Variants in RPTOR observed in about 807,000 individuals in gnomAD.
RPTOR encodes regulatory associated protein of MTOR complex 1, also known as regulatory-associated protein of mTOR.
In RPTOR, 21 loss-of-function variants were observed where a neutral mutation model predicts 169.9. The ratio of observed to expected loss-of-function variants is 0.12; its 90% CI spans 0.09 to 0.18. The LOEUF (loss-of-function observed/expected upper bound fraction) is 0.18. RPTOR is among the 10% of genes least tolerant of loss of function. The probability of loss-of-function intolerance (pLI) is 1.00; values close to 1 mark genes in which losing one functional copy is unlikely to be tolerated. For synonymous variants in RPTOR, 732 were observed against 753.2 expected (o/e 0.97, Z 0.46); for missense variants, 1,133 against 1,855.9 (o/e 0.61, Z 7.16).
At chr17:80,961,548 C>T (rs768110868) in intron 31 of RPTOR, 68 bp downstream of exon 31, 103 of 1,474,842 alleles carry the variant, frequency 7.0e-5, no homozygotes, top group Non-Finnish European at 9.1e-5. Flanking sequence ...ATTTAAAATA[C>T]GTCCTTGGTA....
chr17:80,685,811 C>G (rs2143724773), intron 3 of RPTOR, among the ~76,000 whole-genome samples: 1 of 151,160 alleles, frequency 6.6e-6, no homozygotes, highest in Non-Finnish European at 1.5e-5. Context: ...TGAACTCCCT[C>G]TAGTCGTAAG....
chr17:80,671,329 A>T (rs1014062614), intron 3 of RPTOR, among the ~76,000 whole-genome samples: 13 of 152,120 alleles, frequency 8.5e-5, no homozygotes, highest in African/African-American at 2.9e-4. Context: ...AGAGAGAGAG[A>T]GTGTGTTCCT....
At chr17:80,735,477 G>A (rs2066426776) in intron 5 of RPTOR, among the ~76,000 whole-genome samples, 1 of 152,226 alleles carries the variant, frequency 6.6e-6, no homozygotes, top group Non-Finnish European at 1.5e-5. Flanking sequence ...TCCTTAGCCT[G>A]TAAACTAGAA....
Position 80,826,901 on chromosome 17 carries a change from G to A in RPTOR, c.1136+3678G>A, listed in dbSNP as rs553228898. ...TCAACCGGCAGAAGAAACATTATGC[G>A]CTTGAATTTTTTTCCTTTTTCTTTT... On this transcript the variant is annotated intron_variant, in intron 9 of 33. Coordinates refer to ENST00000306801, the MANE Select transcript of RPTOR (RefSeq NM_020761.3). 4.6e-5 allele frequency among the ~76,000 whole-genome samples: 7 copies of A among 152,370 alleles called. No homozygotes were observed. In the East Asian group the frequency reaches 5.8e-4, roughly 13 times the overall value.
At chr17:80,555,739 A>T (rs1196669704) in intron 1 of RPTOR, among the ~76,000 whole-genome samples, 1 of 152,236 alleles carries the variant, frequency 6.6e-6, no homozygotes, top group Non-Finnish European at 1.5e-5. Flanking sequence ...ATCCACATTG[A>T]CCAGCATTAA....
intron 21 of RPTOR, among the ~76,000 whole-genome samples, chr17:80,916,856 T>C (rs1222377522): frequency 6.6e-6 from 1 of 152,094 alleles, no homozygotes; most frequent in East Asian, 1.9e-4. Flanking sequence ...GGTGTGGTGA[T>C]GCACTCTTGT....
Position 80,893,850 on chromosome 17 carries a change from C to T in RPTOR, c.2386C>T (p.Leu796Phe). The T allele has an allele frequency of 1.3e-6, 2 of 1,521,342 alleles. No individual in the cohort carries two copies. The highest frequency in any genetic ancestry group is 1.8e-6 in the Non-Finnish European group (2 of 1,132,872). 94.2% of individuals were successfully genotyped at this position (1,521,342 alleles called of 1,614,324 possible). A position where few individuals can be genotyped will look rare whatever the true frequency, so the allele number is the denominator to read the frequency against. Residue 796 changes from leucine (L) to phenylalanine (F), a missense_variant, in exon 20 of 34, where the codon CTC (leucine) becomes TTC (phenylalanine). By Grantham distance (22) the Leu-to-Phe change is conservative. Coordinates refer to ENST00000306801, the MANE Select transcript of RPTOR (RefSeq NM_020761.3). ...GCGCCGCGCCAGCTCCTACTCCTCC[C>T]TCAACTCCCTCATCGGTGAGTCCGC... ...KMRRASSYSS[L>F]NSLIGVSFNS...
chr17:80,602,218 C>T (rs1468248005), intron 1 of RPTOR, among the ~76,000 whole-genome samples: 1 of 66,674 alleles, frequency 1.5e-5, no homozygotes, highest in East Asian at 3.3e-4. Context: ...ACCTCCCTCC[C>T]GGACGGGGCG....
chr17:80,668,812 G>A (rs1394512970), intron 3 of RPTOR, among the ~76,000 whole-genome samples: 2 of 152,234 alleles, frequency 1.3e-5, no homozygotes, highest in East Asian at 1.9e-4. Context: ...TCAGGACAGC[G>A]GCTTGTCCGC....
At chr17:80,573,975 G>A (rs2064934145) in intron 1 of RPTOR, among the ~76,000 whole-genome samples, 1 of 152,296 alleles carries the variant, frequency 6.6e-6, no homozygotes, top group Non-Finnish European at 1.5e-5. Flanking sequence ...TGGGTCGGGG[G>A]AAGTTTTGGG....
intron 6 of RPTOR, among the ~76,000 whole-genome samples, chr17:80,766,272 C>T (rs1415481612): frequency 1.3e-5 from 2 of 152,160 alleles, no homozygotes; most frequent in African/African-American, 2.4e-5. Flanking sequence ...AGGCTGGTCT[C>T]GAACTCCTAA....
intron 24 of RPTOR, among the ~76,000 whole-genome samples, chr17:80,935,252 C>G (rs1185928470): frequency 6.6e-6 from 1 of 152,114 alleles, no homozygotes; most frequent in African/African-American, 2.4e-5. Context: ...GTTTAGAAGA[C>G]TCAATAATAT....
Position 80,773,683 on chromosome 17 carries a change from T to C in RPTOR, c.831-17767T>C, listed in dbSNP as rs990840645. 15 of 549,662 alleles carry C rather than the reference T, an allele frequency of 2.7e-5. No individual in the cohort carries two copies. The African/African-American group carries it at 2.9e-4, about 11-fold the overall frequency. The allele number at this position is 549,662 out of a possible 1,614,324, so 34.0% of individuals were successfully genotyped here. On this transcript the variant is annotated intron_variant, in intron 6 of 33. Coordinates refer to ENST00000306801, the MANE Select transcript of RPTOR (RefSeq NM_020761.3). ...TTCTGAGCTGGCTGGCTCCTAGATG[T>C]TATTTGGATTTGCTTCCTCTGGCAC...
intron 1 of RPTOR, among the ~76,000 whole-genome samples, chr17:80,573,424 C>T (rs1256441500): frequency 6.6e-6 from 1 of 151,920 alleles, no homozygotes. Context: ...GATAGGTCTT[C>T]TTTAATTTCC....
chr17:80,899,736 A>G (rs1303683087), intron 20 of RPTOR, among the ~76,000 whole-genome samples: 1 of 152,206 alleles, frequency 6.6e-6, no homozygotes, highest in Non-Finnish European at 1.5e-5. Context: ...TTGCTATGTA[A>G]CCGTGTGGAC....
chr17:80,643,699 G>A (rs1012928685), intron 2 of RPTOR, 29 bp from the exon 3 acceptor site: 2 of 1,576,632 alleles, frequency 1.3e-6, no homozygotes, highest in African/African-American at 2.7e-5. Flanking sequence ...CAGACGTAAA[G>A]AACTTTCTCT....
rs148804645 is a variant in RPTOR at position 80,636,721 on chromosome 17, G to T, written c.266-7007G>T. On this transcript the variant is annotated intron_variant, in intron 2 of 33. Coordinates refer to ENST00000306801, the MANE Select transcript of RPTOR (RefSeq NM_020761.3). ...CCCACTCCAGATCACCCACACCCCC[G>T]CAACACGCCCCAGTACCGCCACTCC... Among the ~76,000 whole-genome samples, 454 of 151,632 alleles carry T rather than the reference G, an allele frequency of 3.0e-3. 2 individuals are homozygous for T. The highest frequency in any genetic ancestry group is 0.01 in the African/African-American group (416 of 41,278).
chr17:80,739,186 G>GC (rs1438302572), intron 5 of RPTOR, among the ~76,000 whole-genome samples: 5 of 102,606 alleles, frequency 4.9e-5, no homozygotes, highest in African/African-American at 7.8e-5. Flanking sequence ...CCGCCCCGAC[G>GC]CGGAGGCAGA....
chr17:80,573,187 A>G lies in RPTOR; in HGVS notation c.162+27396A>G, dbSNP rs190640651. 2.8e-3 allele frequency among the ~76,000 whole-genome samples: 432 copies of G among 152,318 alleles called. 1 individual carries two copies. The Middle Eastern group carries it at 0.037, about 13-fold the overall frequency. On this transcript the variant is annotated intron_variant, in intron 1 of 33. Transcript: ENST00000306801. ...TGTCTGCTTTAATTACTAGGGCTTT[A>G]TAAAAAATGTGTGAAGGAAGCACTT...
Sources: allele counts gnomAD v4.1 joint callset (sites outside exome capture counted in the v4.1 genomes callset), GRCh38; gene constraint gnomAD v4.1.1; transcripts MANE v1.5; gene names NCBI Gene and HGNC (gene_info 2026-07-23, HGNC 2026-07-21).